Variants in ANKH observed in about 807,000 individuals in gnomAD.
ANKH encodes mineralization regulator ANKH.
In ANKH, 15 loss-of-function variants were observed where a neutral mutation model predicts 49.0. The observed-to-expected ratio is 0.31, with a 90% CI of 0.20 to 0.47. The LOEUF (loss-of-function observed/expected upper bound fraction) is 0.47, where lower values mean the gene tolerates loss of function less well. Ranked by LOEUF, ANKH falls within the 20% of genes least tolerant of loss-of-function variation. The pLI, the probability that ANKH is intolerant of heterozygous loss-of-function variation, is 1.00. For missense variants in ANKH, 429 were observed against 652.0 expected, an observed-to-expected ratio of 0.66 and a Z score of 3.72; for synonymous variants, 273 against 260.0, an observed-to-expected ratio of 1.05 and a Z score of -0.48.
At chr5:14,801,409 G>C (rs765257366) in intron 1 of ANKH, among the ~76,000 whole-genome samples, 1 of 152,182 alleles carries the variant, frequency 6.6e-6, no homozygotes, top group Non-Finnish European at 1.5e-5. Flanking sequence ...CTATGTTACT[G>C]AAAGTATACT....
intron 1 of ANKH, among the ~76,000 whole-genome samples, chr5:14,815,033 C>T (rs868143173): frequency 2.0e-5 from 3 of 152,218 alleles, no homozygotes; most frequent in African/African-American, 7.2e-5. Flanking sequence ...TTGGTTCTCA[C>T]CCACCAGCAT....
intron 1 of ANKH, among the ~76,000 whole-genome samples, chr5:14,849,964 A>G (rs1221434583): frequency 6.6e-6 from 1 of 152,142 alleles, no homozygotes; most frequent in Non-Finnish European, 1.5e-5. Context: ...CCTCCAGGTT[A>G]AACCTGCTCC....
At chr5:14,726,733 C>T (rs904466477) in intron 8 of ANKH, among the ~76,000 whole-genome samples, 7 of 152,172 alleles carry the variant, frequency 4.6e-5, no homozygotes, top group Non-Finnish European at 1.0e-4. Flanking sequence ...CTCTCAGATT[C>T]CCAATTTAGA....
chr5:14,844,930 C>G (rs1287887365), intron 1 of ANKH, among the ~76,000 whole-genome samples: 1 of 151,842 alleles, frequency 6.6e-6, no homozygotes, highest in African/African-American at 2.4e-5. Context: ...TATCAACTTT[C>G]TACTTAAAAA....
At chr5:14,761,299 C>T (rs944021047) in intron 2 of ANKH, among the ~76,000 whole-genome samples, 11 of 152,124 alleles carry the variant, frequency 7.2e-5, no homozygotes, top group Non-Finnish European at 7.4e-5. Flanking sequence ...TACTTTGTTA[C>T]GGCAGCCCTG....
chr5:14,813,909 C>T (rs1034173588), intron 1 of ANKH, among the ~76,000 whole-genome samples: 21 of 152,194 alleles, frequency 1.4e-4, no homozygotes, highest in African/African-American at 5.1e-4. Flanking sequence ...CCAATGCTCC[C>T]ACATCCCATG....
In ANKH at chr5:14,827,348, C is replaced by T. The variant is rs547784330; in HGVS notation, c.96+44004G>A. On this transcript the variant is annotated intron_variant, in intron 1 of 11. Coordinates refer to ENST00000284268, the MANE Select transcript of ANKH (RefSeq NM_054027.6). ...CATTTTAAGTGATCTGCCTCAGGTG[C>T]ACAGCCAAGGTAAGCTGATGAACTG... is the stretch of plus-strand genomic sequence containing the variant. Among the ~76,000 whole-genome samples the T allele has an allele frequency of 1.6e-4, 24 of 152,332 alleles. No homozygotes were observed. In the South Asian group the frequency reaches 3.5e-3, roughly 22 times the overall value.
intron 9 of ANKH, among the ~76,000 whole-genome samples, chr5:14,714,323 T>C (rs764977916): frequency 3.3e-5 from 5 of 152,156 alleles, no homozygotes; most frequent in Non-Finnish European, 7.4e-5. Flanking sequence ...AGGAGGGCCA[T>C]GGGTGGACAG....
At chr5:14,739,817 AGTTCCT>A (rs1738298705) in intron 8 of ANKH, among the ~76,000 whole-genome samples, 1 of 152,178 alleles carries the variant, frequency 6.6e-6, no homozygotes, top group South Asian at 2.1e-4. Flanking sequence ...TTCATCTCCA[AGTTCCT>A]GTCTGACAAA....
At chr5:14,866,612 A>G (rs1735653445) in intron 1 of ANKH, among the ~76,000 whole-genome samples, 1 of 152,198 alleles carries the variant, frequency 6.6e-6, no homozygotes, top group African/African-American at 2.4e-5. Context: ...TTTTTTAAAA[A>G]CTATCTCAAC....
chr5:14,771,736 C>T (rs55791375), intron 1 of ANKH, among the ~76,000 whole-genome samples: 28,296 of 151,782 alleles, frequency 0.19, 3,099 homozygotes, highest in Middle Eastern at 0.3. Context: ...GCCTGGCCAA[C>T]ATGGTGAAAC....
intron 2 of ANKH, among the ~76,000 whole-genome samples, chr5:14,764,031 T>C (rs1739178926): frequency 6.6e-6 from 1 of 151,806 alleles, no homozygotes; most frequent in Non-Finnish European, 1.5e-5. Context: ...GAGGTTGCAA[T>C]AACCCAAGAT....
At chr5:14,783,847 A>G (rs1739889638) in intron 1 of ANKH, among the ~76,000 whole-genome samples, 1 of 152,236 alleles carries the variant, frequency 6.6e-6, no homozygotes. Flanking sequence ...TACAGGAGGT[A>G]GTAAGTGCCC....
chr5:14,781,858 A>C (rs1483315949), intron 1 of ANKH, among the ~76,000 whole-genome samples: 1 of 152,210 alleles, frequency 6.6e-6, no homozygotes, highest in Non-Finnish European at 1.5e-5. Context: ...GATGGTTCTC[A>C]AATGATACTG....
At chr5:14,815,497 C>G (rs1580089876) in intron 1 of ANKH, among the ~76,000 whole-genome samples, 1 of 152,160 alleles carries the variant, frequency 6.6e-6, no homozygotes, top group Admixed American at 6.5e-5. Flanking sequence ...TACTTTCTCC[C>G]ATCAATCATT....
intron 4 of ANKH, among the ~76,000 whole-genome samples, chr5:14,755,659 T>G (rs1368397299): frequency 6.6e-6 from 1 of 152,262 alleles, no homozygotes; most frequent in Non-Finnish European, 1.5e-5. Flanking sequence ...AGCAAGATTA[T>G]ACATACTGTT....
At chr5:14,818,703 T>C (rs2126583572) in intron 1 of ANKH, among the ~76,000 whole-genome samples, 1 of 149,394 alleles carries the variant, frequency 6.7e-6, no homozygotes, top group African/African-American at 2.5e-5. Context: ...TAGACCCCTG[T>C]GTGCACACTG....
intron 3 of ANKH, among the ~76,000 whole-genome samples, chr5:14,757,691 G>C (rs922147910): frequency 1.3e-5 from 2 of 152,038 alleles, no homozygotes; most frequent in Admixed American, 6.6e-5. Flanking sequence ...CTTTGATCCT[G>C]AGTATATCAG....
At chr5:14,834,364 T>C (rs1741594006) in intron 1 of ANKH, among the ~76,000 whole-genome samples, 1 of 152,184 alleles carries the variant, frequency 6.6e-6, no homozygotes, top group South Asian at 2.1e-4. Context: ...ATGATTACTA[T>C]TGCTAATTAC....
Sources: allele counts gnomAD v4.1 joint callset (sites outside exome capture counted in the v4.1 genomes callset), GRCh38; gene constraint gnomAD v4.1.1; transcripts MANE v1.5; gene names NCBI Gene and HGNC (gene_info 2026-07-23, HGNC 2026-07-21).